TMEM132D: variants seen among roughly 807,000 people sequenced by gnomAD.
The protein encoded by TMEM132D is transmembrane protein 132D, also known as mature OL transmembrane protein.
A neutral mutation model predicts 62.3 loss-of-function variants in TMEM132D; 21 were observed. The ratio of observed to expected loss-of-function variants is 0.34; its 90% CI spans 0.24 to 0.49. TMEM132D has a LOEUF of 0.49. TMEM132D is among the 20% of genes least tolerant of loss of function. TMEM132D has a pLI of 0.99. For synonymous variants in TMEM132D, 621 were observed against 575.6 expected (o/e 1.08, Z -1.13); for missense variants, 1,346 against 1,402.8 (o/e 0.96, Z 0.65).
intron 1 of TMEM132D, among the ~76,000 whole-genome samples, chr12:129,731,756 G>T (rs540929902): frequency 6.6e-6 from 1 of 151,800 alleles, no homozygotes; most frequent in African/African-American, 2.4e-5. Context: ...TCCGCCTCCC[G>T]GGTTCACACT....
intron 4 of TMEM132D, among the ~76,000 whole-genome samples, chr12:129,314,622 T>C (rs1041745140): frequency 6.6e-6 from 1 of 152,220 alleles, no homozygotes; most frequent in East Asian, 1.9e-4. Flanking sequence ...TGATTCCATA[T>C]GAATTTTAGA....
intron 2 of TMEM132D, among the ~76,000 whole-genome samples, chr12:129,539,934 G>T (rs1593057944): frequency 2.0e-5 from 3 of 152,140 alleles, no homozygotes; most frequent in South Asian, 2.1e-4. Context: ...AAGTGACATG[G>T]CCCAGAGGGT....
At chr12:129,238,232 A>T (rs1879837192) in intron 4 of TMEM132D, among the ~76,000 whole-genome samples, 1 of 152,210 alleles carries the variant, frequency 6.6e-6, no homozygotes, top group Non-Finnish European at 1.5e-5. Flanking sequence ...AATGCAATAG[A>T]AGGTTTTTAA....
intron 5 of TMEM132D, among the ~76,000 whole-genome samples, chr12:129,206,321 C>CATAT (rs1204409333): frequency 1.3e-5 from 2 of 152,156 alleles, no homozygotes; most frequent in Non-Finnish European, 2.9e-5. Flanking sequence ...CAAAAGAAGA[C>CATAT]ATATATATGG....
intron 2 of TMEM132D, among the ~76,000 whole-genome samples, chr12:129,650,043 C>G (rs534900926): frequency 9.2e-5 from 14 of 152,174 alleles, no homozygotes; most frequent in African/African-American, 2.9e-4. Context: ...CTCCATATAA[C>G]TTGCATGGTG....
intron 3 of TMEM132D, among the ~76,000 whole-genome samples, chr12:129,421,764 T>C (rs1872332175): frequency 6.6e-6 from 1 of 152,234 alleles, no homozygotes; most frequent in Non-Finnish European, 1.5e-5. Flanking sequence ...ATAAATGACA[T>C]AGCAAACATT....
At chr12:129,138,245 T>C (rs1264332610) in intron 5 of TMEM132D, among the ~76,000 whole-genome samples, 1 of 152,236 alleles carries the variant, frequency 6.6e-6, no homozygotes, top group Non-Finnish European at 1.5e-5. Context: ...ATTTTTAATG[T>C]AAATTTTAAA....
intron 1 of TMEM132D, among the ~76,000 whole-genome samples, chr12:129,738,440 G>A (rs1869496152): frequency 2.0e-5 from 3 of 152,340 alleles, no homozygotes; most frequent in South Asian, 4.1e-4. Context: ...GAAAACAAAA[G>A]AGGCTGGTTG....
At chr12:129,719,085 A>AG (rs1868708113) in intron 1 of TMEM132D, among the ~76,000 whole-genome samples, 2 of 42,502 alleles carry the variant, frequency 4.7e-5, no homozygotes, top group African/African-American at 5.4e-5. Context: ...AAAAAAATGA[A>AG]AAAAAAAAAA....
intron 2 of TMEM132D, among the ~76,000 whole-genome samples, chr12:129,678,436 T>A (rs1880693658): frequency 6.6e-6 from 1 of 152,140 alleles, no homozygotes; most frequent in African/African-American, 2.4e-5. Flanking sequence ...TGTTGGCTAT[T>A]TTTGTTTTCG....
chr12:129,581,459 A>C (rs1164683619), intron 2 of TMEM132D, among the ~76,000 whole-genome samples: 1 of 152,222 alleles, frequency 6.6e-6, no homozygotes, highest in South Asian at 2.1e-4. Context: ...TCTGAGTCCC[A>C]AAACCTGAAA....
At chr12:129,886,294 G>A (rs115536440) in intron 1 of TMEM132D, among the ~76,000 whole-genome samples, 2,603 of 152,248 alleles carry the variant, frequency 0.017, 83 homozygotes, top group African/African-American at 0.058. Flanking sequence ...CTTCTGAGGG[G>A]AATGAATCAT....
Position 129,644,984 on chromosome 12 carries a change from TAAAAAAAAA to T in TMEM132D, c.968+54817_968+54825del, listed in dbSNP as rs749612311. ...CTGGGTGACAGAGCAATAGTCCATC[TAAAAAAAAA>T]AAAAAAAAAAAAAAAAATTAACCCA... On this transcript the variant is annotated intron_variant, in intron 2 of 8. Coordinates refer to ENST00000422113, the MANE Select transcript of TMEM132D (RefSeq NM_133448.3). Among the ~76,000 whole-genome samples, 10 of 63,414 alleles carry T rather than the reference TAAAAAAAAA, an allele frequency of 1.6e-4. No homozygotes were observed. In the South Asian group the frequency reaches 5.1e-3, roughly 32 times the overall value. 41.6% of individuals were successfully genotyped at this position (63,414 alleles called of 152,430 possible).
chr12:129,200,739 T>G (rs756438474), intron 5 of TMEM132D, among the ~76,000 whole-genome samples: 2 of 152,148 alleles, frequency 1.3e-5, no homozygotes, highest in Non-Finnish European at 2.9e-5. Flanking sequence ...TCTCCTCTCC[T>G]CAGGAACAGG....
intron 3 of TMEM132D, among the ~76,000 whole-genome samples, chr12:129,519,003 A>G (rs1414546197): frequency 6.6e-6 from 1 of 152,166 alleles, no homozygotes; most frequent in Non-Finnish European, 1.5e-5. Context: ...CATTCATGTG[A>G]AGTTTGAATA....
chr12:129,553,818 C>A (rs1876970343), intron 2 of TMEM132D, among the ~76,000 whole-genome samples: 1 of 152,168 alleles, frequency 6.6e-6, no homozygotes, highest in South Asian at 2.1e-4. Context: ...TGATCACAGA[C>A]ACAACTCAGA....
chr12:129,586,259 C>T (rs1337366046), intron 2 of TMEM132D, among the ~76,000 whole-genome samples: 1 of 150,984 alleles, frequency 6.6e-6, no homozygotes, highest in Non-Finnish European at 1.5e-5. Context: ...CTTATAGTCA[C>T]GACTTCCATC....
intron 3 of TMEM132D, among the ~76,000 whole-genome samples, chr12:129,472,874 A>AAT (rs752313465): frequency 1.4e-5 from 2 of 142,924 alleles, no homozygotes; most frequent in African/African-American, 5.7e-5. Flanking sequence ...TTATTTTAAG[A>AAT]CTTTTTTTTT....
At chr12:129,231,538 T>C (rs888980679) in intron 4 of TMEM132D, among the ~76,000 whole-genome samples, 11 of 152,236 alleles carry the variant, frequency 7.2e-5, no homozygotes, top group African/African-American at 2.2e-4. Flanking sequence ...GTTCTTTTAT[T>C]GGTTGGGAGG....
Sources: allele counts gnomAD v4.1 joint callset (sites outside exome capture counted in the v4.1 genomes callset), GRCh38; gene constraint gnomAD v4.1.1; transcripts MANE v1.5; gene names NCBI Gene and HGNC (gene_info 2026-07-23, HGNC 2026-07-21).